Variants in NUSAP1 observed in about 807,000 individuals in gnomAD.
NUSAP1 encodes nucleolar and spindle-associated protein 1.
NUSAP1 carries 32 observed loss-of-function variants against 52.8 expected under a neutral mutation model. The observed-to-expected ratio is 0.61, with a 90% CI of 0.46 to 0.81. The LOEUF is 0.81. NUSAP1 is among the 40% of genes least tolerant of loss of function. The pLI, the probability that NUSAP1 is intolerant of heterozygous loss-of-function variation, is 0.00. For synonymous variants in NUSAP1, 195 were observed against 183.1 expected, an observed-to-expected ratio of 1.06 and a Z score of -0.52; for missense variants, 499 against 522.3, an observed-to-expected ratio of 0.96 and a Z score of 0.43.
chr15:41,369,920 T>C (rs953076475), intron 7 of NUSAP1, among the ~76,000 whole-genome samples: 2 of 148,812 alleles, frequency 1.3e-5, no homozygotes, highest in African/African-American at 5.0e-5. Context: ...ACAAAACAAT[T>C]AGCCAGGCAT....
intron 7 of NUSAP1, among the ~76,000 whole-genome samples, chr15:41,367,544 T>A (rs1248551110): frequency 6.6e-6 from 1 of 152,170 alleles, no homozygotes; most frequent in African/African-American, 2.4e-5. Context: ...GGTCTGAAGA[T>A]GGTTCTGTGC....
At chr15:41,377,795 A>T (rs2050018480) in intron 10 of NUSAP1, among the ~76,000 whole-genome samples, 1 of 149,552 alleles carries the variant, frequency 6.7e-6, no homozygotes, top group South Asian at 2.1e-4. Context: ...ACGAGGTCAG[A>T]TCGAGACCAT....
intron 6 of NUSAP1, among the ~76,000 whole-genome samples, chr15:41,358,886 T>A (rs1375815412): frequency 1.3e-5 from 2 of 152,188 alleles, no homozygotes; most frequent in African/African-American, 2.4e-5. Context: ...TCGTCCCTTA[T>A]GTAAAGGAAA....
intron 1 of NUSAP1, among the ~76,000 whole-genome samples, chr15:41,336,648 G>GTTTTTTTTTTTTTTTTTTTTTTTTTTT (rs75426159): frequency 1.1e-5 from 1 of 91,372 alleles, no homozygotes; most frequent in African/African-American, 4.0e-5. Context: ...CCTCCTTTTG[G>GTTTTTTTTTTTTTTTTTTTTTTTTTTT]TTTTTTTTTT....
intron 6 of NUSAP1, among the ~76,000 whole-genome samples, chr15:41,361,038 G>C (rs1003449609): frequency 1.3e-5 from 2 of 151,928 alleles, no homozygotes; most frequent in East Asian, 2.0e-4. Context: ...AGGTTGCAGT[G>C]CATGGAGGTC....
At chr15:41,350,630 C>T (rs1349221199) in intron 3 of NUSAP1, among the ~76,000 whole-genome samples, 1 of 152,054 alleles carries the variant, frequency 6.6e-6, no homozygotes, top group Non-Finnish European at 1.5e-5. Context: ...TTGCCACATT[C>T]TGGGCCTTAG....
rs75426159 is a variant in NUSAP1, at chr15:41,336,648, G to GTTTTTTTTTTTTTTTTT, written c.93+3603_93+3619dup. Reference sequence around the variant, plus strand: ...TGGGCATTTGATCCTCCTCCTTTTGGTTTTTTTTTTTTTTTTTTTTTGAGA... The same window carrying GTTTTTTTTTTTTTTTTT: ...TGGGCATTTGATCCTCCTCCTTTTGGTTTTTTTTTTTTTTTTTTTTTTTTTTTTTTTTTTTTTTGAGA... On this transcript the variant is annotated intron_variant, in intron 1 of 10. Coordinates refer to ENST00000559596, the MANE Select transcript of NUSAP1 (RefSeq NM_016359.5). Among the ~76,000 whole-genome samples, 86 of 91,354 alleles carry GTTTTTTTTTTTTTTTTT rather than the reference G, an allele frequency of 9.4e-4. 7 individuals carry two copies. The highest frequency in any genetic ancestry group is 3.1e-3 in the African/African-American group (78 of 24,960). 59.9% of individuals were successfully genotyped at this position (91,354 alleles called of 152,430 possible).
intron 10 of NUSAP1, among the ~76,000 whole-genome samples, chr15:41,377,775 G>A (rs563247649): frequency 7.4e-5 from 11 of 148,978 alleles, no homozygotes; most frequent in African/African-American, 2.7e-4. Flanking sequence ...GAGGCCGAGG[G>A]GGGCAGATCA....
chr15:41,375,598 A>G, intron 8 of NUSAP1, 114 bp from the exon 9 acceptor site: 1 of 709,798 alleles, frequency 1.4e-6, no homozygotes, highest in South Asian at 1.7e-5. Context: ...GGTGTGGGCC[A>G]CCATGCCCAG....
chr15:41,335,446 T>C (rs1229729150), intron 1 of NUSAP1, among the ~76,000 whole-genome samples: 1 of 139,728 alleles, frequency 7.2e-6, no homozygotes, highest in Non-Finnish European at 1.5e-5. Flanking sequence ...ATAAATATAC[T>C]ATATAAATAT....
intron 7 of NUSAP1, among the ~76,000 whole-genome samples, chr15:41,370,461 T>C (rs1244476588): frequency 7.0e-6 from 1 of 143,248 alleles, no homozygotes; most frequent in Non-Finnish European, 1.5e-5. Flanking sequence ...ACTAAAAATA[T>C]AAAAATTAGC....
intron 5 of NUSAP1, among the ~76,000 whole-genome samples, chr15:41,357,234 G>A (rs1009074959): frequency 1.8e-4 from 28 of 151,802 alleles, no homozygotes; most frequent in African/African-American, 3.1e-4. Flanking sequence ...CAGGTGTGGC[G>A]GCAGGTGCCT....
chr15:41,352,497 A>G (rs1314504546), intron 4 of NUSAP1, among the ~76,000 whole-genome samples: 1 of 152,072 alleles, frequency 6.6e-6, no homozygotes, highest in Non-Finnish European at 1.5e-5. Context: ...TACTGAATCT[A>G]GAAAATTACA....
chr15:41,349,323 C>A, intron 3 of NUSAP1, 82 bp downstream of exon 3: 1 of 1,299,586 alleles, frequency 7.7e-7, no homozygotes, highest in Non-Finnish European at 1.1e-6. Flanking sequence ...TTTAAATTCC[C>A]ATGTGATGTC....
chr15:41,368,728 C>CTTTTTTTTTTTTTTTTT (rs57501156), intron 7 of NUSAP1, among the ~76,000 whole-genome samples: 1 of 77,942 alleles, frequency 1.3e-5, no homozygotes, highest in African/African-American at 5.3e-5. Context: ...TTATTTTATT[C>CTTTTTTTTTTTTTTTTT]TTTTTTTTTT....
chr15:41,353,739 T>A (rs1264026473), intron 4 of NUSAP1, among the ~76,000 whole-genome samples: 2 of 152,222 alleles, frequency 1.3e-5, no homozygotes, highest in Non-Finnish European at 2.9e-5. Context: ...TTTCTTATAT[T>A]TGTAAGATTA....
chr15:41,373,770 TAA>T (rs1214438467), intron 8 of NUSAP1, among the ~76,000 whole-genome samples: 2 of 151,954 alleles, frequency 1.3e-5, no homozygotes, highest in African/African-American at 2.4e-5. Context: ...TCTGAAGTGA[TAA>T]GAGCCCTTAT....
chr15:41,377,422 G>A (rs923521637), intron 10 of NUSAP1, 118 bp downstream of exon 10: 21 of 541,436 alleles, frequency 3.9e-5, no homozygotes, highest in Middle Eastern at 4.5e-4. Context: ...TATTATGGCC[G>A]TGTGCGGTGG....
chr15:41,379,338 C>T (rs2050118639), intron 10 of NUSAP1, among the ~76,000 whole-genome samples: 1 of 151,134 alleles, frequency 6.6e-6, no homozygotes, highest in African/African-American at 2.4e-5. Context: ...TTTTTGTCAC[C>T]CAGACTGGAG....
Sources: gnomAD v4.1 joint callset for allele counts (sites outside exome capture counted in the v4.1 genomes callset) on GRCh38, gnomAD v4.1.1 for gene constraint, MANE v1.5 for transcripts, NCBI Gene and HGNC (gene_info 2026-07-23, HGNC 2026-07-21) for gene names.